EIF2AK3: variants seen among roughly 807,000 people sequenced by gnomAD.
EIF2AK3 encodes eukaryotic translation initiation factor 2-alpha kinase 3.
EIF2AK3 carries 50 observed loss-of-function variants against 113.5 expected under a neutral mutation model. The ratio of observed to expected loss-of-function variants is 0.44; its 90% CI spans 0.35 to 0.56. The LOEUF (loss-of-function observed/expected upper bound fraction) is 0.56, where lower values mean the gene tolerates loss of function less well. Ranked by LOEUF, EIF2AK3 falls within the 20% of genes least tolerant of loss-of-function variation. The probability of loss-of-function intolerance (pLI) is 0.00; values close to 1 mark genes in which losing one functional copy is unlikely to be tolerated. For synonymous variants in EIF2AK3, 448 were observed against 495.4 expected, an observed-to-expected ratio of 0.90 and a Z score of 1.27; for missense variants, 1,185 against 1,378.0, an observed-to-expected ratio of 0.86 and a Z score of 2.22.
chr2:88,579,255 T>G (rs1674538005), intron 11 of EIF2AK3, among the ~76,000 whole-genome samples: 1 of 152,222 alleles, frequency 6.6e-6, no homozygotes, highest in South Asian at 2.1e-4. Context: ...AATTTACTGG[T>G]CTACAGTTAT....
At chr2:88,609,945 CAAAA>C (rs71378880) in intron 2 of EIF2AK3, among the ~76,000 whole-genome samples, 4 of 38,800 alleles carry the variant, frequency 1.0e-4, no homozygotes, top group Admixed American at 3.3e-4. Context: ...TCCATCTCTA[CAAAA>C]AAAAAAAAAA....
In EIF2AK3 at chr2:88,610,981, T is replaced by C. The variant is rs138305800; in HGVS notation, c.438+2743A>G. Reference sequence around the variant, plus strand: ...GCAGGAGGATTGCTTGAGCCCAGGATTCAAGGCTGCAGAGAGATATGATCA... The same window carrying C: ...GCAGGAGGATTGCTTGAGCCCAGGACTCAAGGCTGCAGAGAGATATGATCA... On this transcript the variant is annotated intron_variant, in intron 2 of 16. Coordinates refer to ENST00000303236, the MANE Select transcript of EIF2AK3 (RefSeq NM_004836.7). Among the ~76,000 whole-genome samples the C allele has an allele frequency of 2.5e-3, 376 of 152,132 alleles. 1 individual carries two copies. Among genetic ancestry groups the C allele is most frequent in the African/African-American group, 8.6e-3 (355 of 41,516 alleles).
chr2:88,577,322 A>T (rs1263718018), intron 11 of EIF2AK3, among the ~76,000 whole-genome samples: 1 of 151,946 alleles, frequency 6.6e-6, no homozygotes, highest in East Asian at 1.9e-4. Flanking sequence ...CAAGTCCTGT[A>T]TTTTAAAAAA....
intron 15 of EIF2AK3, among the ~76,000 whole-genome samples, chr2:88,559,388 T>C (rs1673877214): frequency 6.6e-6 from 1 of 152,294 alleles, no homozygotes; most frequent in Non-Finnish European, 1.5e-5. Context: ...AGATTTAAAA[T>C]ACACAGAATA....
intron 2 of EIF2AK3, among the ~76,000 whole-genome samples, chr2:88,601,431 G>C (rs1365838558): frequency 6.6e-6 from 1 of 152,244 alleles, no homozygotes; most frequent in East Asian, 1.9e-4. Context: ...CAGCCCATGA[G>C]CCAAATCCAG....
rs1674811952 is a variant in EIF2AK3 at position 88,588,929 on chromosome 2, T to C, written c.1166-28A>G. The C allele has an allele frequency of 2.5e-6, 4 of 1,610,480 alleles. No homozygotes were observed. The East Asian group carries it at 8.9e-5, about 36-fold the overall frequency. On this transcript the variant is annotated intron_variant, in intron 6 of 16. Transcript: ENST00000303236. ...GAATCAACCAGAACATTGTCAATTATGCATTGATTTTTTTAAAAAGGTTTT... is the reference window on the plus strand; with the variant it reads ...GAATCAACCAGAACATTGTCAATTACGCATTGATTTTTTTAAAAAGGTTTT...
chr2:88,564,685 T>C (rs988768303), intron 14 of EIF2AK3, among the ~76,000 whole-genome samples: 1 of 152,168 alleles, frequency 6.6e-6, no homozygotes, highest in Non-Finnish European at 1.5e-5. Context: ...CAAACACTTA[T>C]GAAACTATGC....
At chr2:88,611,880 C>T (rs1292394900) in intron 2 of EIF2AK3, among the ~76,000 whole-genome samples, 1 of 152,168 alleles carries the variant, frequency 6.6e-6, no homozygotes, top group African/African-American at 2.4e-5. Flanking sequence ...GCCTCAGCCT[C>T]CCAAAGTGCT....
chr2:88,578,456 G>A (rs1674518149), intron 11 of EIF2AK3, among the ~76,000 whole-genome samples: 1 of 152,132 alleles, frequency 6.6e-6, no homozygotes, highest in African/African-American at 2.4e-5. Context: ...GCCAAAGCAG[G>A]TGGATCACCT....
chr2:88,565,414 C>T (rs1281120227), intron 14 of EIF2AK3, among the ~76,000 whole-genome samples: 1 of 150,986 alleles, frequency 6.6e-6, no homozygotes, highest in African/African-American at 2.4e-5. Flanking sequence ...GACCTTGGCT[C>T]ACTGCAACCT....
At chr2:88,595,346 A>AATG in intron 3 of EIF2AK3, 123 bp downstream of exon 3, 1 of 985,184 alleles carries the variant, frequency 1.0e-6, no homozygotes, top group Non-Finnish European at 1.5e-6. Flanking sequence ...TATTAAAACA[A>AATG]ATGACAACCT....
intron 1 of EIF2AK3, among the ~76,000 whole-genome samples, chr2:88,626,556 T>C (rs1358233101): frequency 6.6e-6 from 1 of 152,214 alleles, no homozygotes; most frequent in African/African-American, 2.4e-5. Flanking sequence ...AATGCAGACG[T>C]CTTTTGCTAA....
At chr2:88,594,541 G>A (rs1460798700) in intron 3 of EIF2AK3, among the ~76,000 whole-genome samples, 1 of 152,082 alleles carries the variant, frequency 6.6e-6, no homozygotes, top group Admixed American at 6.5e-5. Context: ...GGATTTATAA[G>A]ACCCAATCTT....
chr2:88,619,075 C>T (rs1488495053), intron 1 of EIF2AK3, among the ~76,000 whole-genome samples: 2 of 151,738 alleles, frequency 1.3e-5, no homozygotes, highest in East Asian at 1.9e-4. Flanking sequence ...TGGCAACCTC[C>T]GCCTCCCAGG....
intron 1 of EIF2AK3, among the ~76,000 whole-genome samples, chr2:88,616,978 A>G (rs1675603095): frequency 6.6e-6 from 1 of 152,232 alleles, no homozygotes; most frequent in Non-Finnish European, 1.5e-5. Context: ...CCTCCCCAGA[A>G]GCATGTCTCT....
chr2:88,574,306 T>C (rs1674392731), intron 13 of EIF2AK3, among the ~76,000 whole-genome samples: 1 of 152,138 alleles, frequency 6.6e-6, no homozygotes, highest in Admixed American at 6.6e-5. Flanking sequence ...CTCAAAACCA[T>C]AGAAAAACAA....
chr2:88,624,458 A>G (rs1313206474), intron 1 of EIF2AK3, among the ~76,000 whole-genome samples: 1 of 152,172 alleles, frequency 6.6e-6, no homozygotes, highest in Non-Finnish European at 1.5e-5. Flanking sequence ...CTGCTGCTTC[A>G]TTTAAACTCT....
intron 15 of EIF2AK3, 69 bp from the exon 16 acceptor site, chr2:88,559,048 TCTAA>T (rs1673868758): frequency 9.4e-7 from 1 of 1,067,594 alleles, no homozygotes; most frequent in Non-Finnish European, 1.4e-6. Flanking sequence ...TTTTTGATAC[TCTAA>T]CAAAATGACT....
intron 10 of EIF2AK3, among the ~76,000 whole-genome samples, chr2:88,580,959 G>C (rs887719375): frequency 6.6e-6 from 1 of 152,064 alleles, no homozygotes; most frequent in African/African-American, 2.4e-5. Context: ...CCTACTCCTG[G>C]AGGGCCAGCT....
Sources: allele counts gnomAD v4.1 joint callset (sites outside exome capture counted in the v4.1 genomes callset), GRCh38; gene constraint gnomAD v4.1.1; transcripts MANE v1.5; gene names NCBI Gene and HGNC (gene_info 2026-07-23, HGNC 2026-07-21).